The following SORCS3 variants were observed in gnomAD, a reference collection of about 807,000 sequenced individuals.
SORCS3 encodes VPS10 domain-containing receptor SorCS3.
A neutral mutation model predicts 146.3 loss-of-function variants in SORCS3; 57 were observed. That is an observed-to-expected ratio of 0.39 (90% confidence interval 0.31 to 0.49). SORCS3 has a LOEUF of 0.49. SORCS3 is among the 20% of genes least tolerant of loss of function. The probability of loss-of-function intolerance (pLI) is 0.92; values close to 1 mark genes in which losing one functional copy is unlikely to be tolerated. For synonymous variants in SORCS3, 653 were observed against 618.5 expected (o/e 1.06, Z -0.83); for missense variants, 1,341 against 1,575.5 (o/e 0.85, Z 2.52).
At chr10:104,723,954 T>G (rs1385372518) in intron 1 of SORCS3, among the ~76,000 whole-genome samples, 2 of 152,236 alleles carry the variant, frequency 1.3e-5, no homozygotes, top group Admixed American at 6.5e-5. Context: ...GTCTTTTAAT[T>G]GGAGCATTTA....
At chr10:104,954,115 C>T (rs983494730) in intron 3 of SORCS3, among the ~76,000 whole-genome samples, 2 of 152,104 alleles carry the variant, frequency 1.3e-5, no homozygotes, top group Admixed American at 6.5e-5. Flanking sequence ...GACTTTCCTT[C>T]AACTGATAGG....
intron 16 of SORCS3, among the ~76,000 whole-genome samples, chr10:105,203,351 A>G (rs2056585078): frequency 6.6e-6 from 1 of 152,216 alleles, no homozygotes; most frequent in Admixed American, 6.5e-5. Flanking sequence ...AAAAATAGTC[A>G]CAGCAATGAG....
At chr10:105,072,143 T>C (rs917920690) in intron 5 of SORCS3, among the ~76,000 whole-genome samples, 3 of 152,154 alleles carry the variant, frequency 2.0e-5, no homozygotes, top group African/African-American at 7.2e-5. Flanking sequence ...TCAAATTCTT[T>C]ATTTAGAGAG....
intron 1 of SORCS3, among the ~76,000 whole-genome samples, chr10:104,711,866 G>T (rs2016419995): frequency 6.6e-6 from 1 of 151,920 alleles, no homozygotes; most frequent in Non-Finnish European, 1.5e-5. Flanking sequence ...GTGCCTGGAG[G>T]ACATAGGAAG....
At chr10:105,233,304 A>C (rs1403188488) in intron 20 of SORCS3, among the ~76,000 whole-genome samples, 1 of 152,172 alleles carries the variant, frequency 6.6e-6, no homozygotes, top group Non-Finnish European at 1.5e-5. Flanking sequence ...GTATGTAAAC[A>C]TACATAAGAT....
intron 1 of SORCS3, among the ~76,000 whole-genome samples, chr10:104,693,119 A>G (rs1401184400): frequency 6.6e-6 from 1 of 152,206 alleles, no homozygotes; most frequent in Non-Finnish European, 1.5e-5. Context: ...AATAGTTTTA[A>G]TAGCAGTAAG....
intron 4 of SORCS3, among the ~76,000 whole-genome samples, chr10:104,986,826 A>T (rs2054964709): frequency 6.6e-6 from 1 of 152,198 alleles, no homozygotes; most frequent in African/African-American, 2.4e-5. Flanking sequence ...GCACCTATAC[A>T]AAACAATTAC....
At chr10:104,719,237 C>T (rs1441735427) in intron 1 of SORCS3, among the ~76,000 whole-genome samples, 3 of 152,126 alleles carry the variant, frequency 2.0e-5, no homozygotes, top group Non-Finnish European at 4.4e-5. Flanking sequence ...TCTAGAAGGT[C>T]CTCTTTTCTT....
chr10:105,142,305 C>T (rs2056100709), intron 8 of SORCS3, among the ~76,000 whole-genome samples: 2 of 152,178 alleles, frequency 1.3e-5, no homozygotes, highest in African/African-American at 4.8e-5. Flanking sequence ...AGAAATTCTG[C>T]ACCCTTTTGT....
At chr10:104,748,949 T>G (rs567379899) in intron 1 of SORCS3, among the ~76,000 whole-genome samples, 2 of 152,196 alleles carry the variant, frequency 1.3e-5, no homozygotes, top group Non-Finnish European at 2.9e-5. Context: ...GAATCCAGTT[T>G]TCCCAGCTGT....
At position 104,776,113 on chromosome 10, in the gene SORCS3, G is replaced by A. The variant is rs768145695; in HGVS notation, c.628-66679G>A. Among the ~76,000 whole-genome samples the A allele has an allele frequency of 3.3e-5, 5 of 152,158 alleles. No homozygotes were observed. The East Asian group carries it at 5.8e-4, about 18-fold the overall frequency. ...GCAAAGTATTATAGGTGCTAAGGAC[G>A]CTGGGAGAGGGTACACTGGGCAGGG... is the stretch of plus-strand genomic sequence containing the variant. On this transcript the variant is annotated intron_variant, in intron 1 of 26. Transcript: ENST00000369701.
Position 104,903,288 on chromosome 10 carries a change from A to G in SORCS3, c.696-12545A>G, listed in dbSNP as rs139756400. 3.0e-3 allele frequency among the ~76,000 whole-genome samples: 454 copies of G among 152,324 alleles called. 3 individuals carry two copies. Among genetic ancestry groups the G allele is most frequent in the South Asian group, 0.019 (90 of 4,830 alleles). On this transcript the variant is annotated intron_variant, in intron 2 of 26. Transcript: ENST00000369701. The stretch of plus-strand genomic sequence containing the variant: ...CTTAATGCCACAGTGATTTAGGGTG[A>G]CAGTCTTCCGAGAAATTAATTACAG...
chr10:104,685,963 T>C (rs973208551), intron 1 of SORCS3, among the ~76,000 whole-genome samples: 2 of 152,126 alleles, frequency 1.3e-5, no homozygotes, highest in Non-Finnish European at 2.9e-5. Flanking sequence ...ATTGCCCGGC[T>C]CCCTCTTGCC....
In SORCS3 at chr10:104,949,840, G is replaced by T. The variant is rs565360687; in HGVS notation, c.796-27495G>T. ...CCTTAGTGTATTTTACTGTTCAGTT[G>T]CAGATTATTAGCCACTTGGCAGATG... On this transcript the variant is annotated intron_variant, in intron 3 of 26. Transcript: ENST00000369701. Among the ~76,000 whole-genome samples, 4 of 152,348 alleles carry T rather than the reference G, an allele frequency of 2.6e-5. No individual in the cohort carries two copies. The East Asian group carries it at 7.7e-4, about 29-fold the overall frequency.
chr10:104,977,644 C>T (rs2054908142), intron 4 of SORCS3, 151 bp downstream of exon 4: 1 of 669,786 alleles, frequency 1.5e-6, no homozygotes, highest in Non-Finnish European at 2.3e-6. Flanking sequence ...TCTGCAGCAA[C>T]TAACTTTCCT....
chr10:104,738,743 A>G (rs2016807439), intron 1 of SORCS3, among the ~76,000 whole-genome samples: 1 of 152,244 alleles, frequency 6.6e-6, no homozygotes, highest in Non-Finnish European at 1.5e-5. Context: ...TTGGGTTCAT[A>G]TGGAGAACAA....
chr10:105,039,244 A>C (rs60316882), intron 4 of SORCS3, among the ~76,000 whole-genome samples: 7,036 of 152,230 alleles, frequency 0.046, 187 homozygotes, highest in Middle Eastern at 0.075. Flanking sequence ...CTTACTGCAG[A>C]TTGAGAGACA....
intron 4 of SORCS3, among the ~76,000 whole-genome samples, chr10:104,988,517 G>A (rs1389269818): frequency 6.6e-6 from 1 of 151,934 alleles, no homozygotes; most frequent in Non-Finnish European, 1.5e-5. Flanking sequence ...TGTTTTAAGG[G>A]GATTTTGTCC....
intron 6 of SORCS3, among the ~76,000 whole-genome samples, chr10:105,099,720 T>C (rs74157423): frequency 0.029 from 4,387 of 152,306 alleles, 126 homozygotes; most frequent in East Asian, 0.17. Flanking sequence ...TGTGGCTGCC[T>C]GCCTGAGTCC....
Sources: gnomAD v4.1 joint callset for allele counts (sites outside exome capture counted in the v4.1 genomes callset) on GRCh38, gnomAD v4.1.1 for gene constraint, MANE v1.5 for transcripts, NCBI Gene and HGNC (gene_info 2026-07-23, HGNC 2026-07-21) for gene names.